GPC6: variants seen among roughly 807,000 people sequenced by gnomAD.
The protein encoded by GPC6 is glypican-6.
Under a neutral mutation model 55.2 loss-of-function variants are expected in GPC6, and 14 were observed. The observed-to-expected ratio is 0.25, with a 90% CI of 0.17 to 0.40. The LOEUF is 0.40. GPC6 is among the 10% of genes least tolerant of loss of function. The pLI, the probability that GPC6 is intolerant of heterozygous loss-of-function variation, is 1.00. For missense variants in GPC6, 641 were observed against 708.5 expected (o/e 0.90, Z 1.08); for synonymous variants, 278 against 259.6 (o/e 1.07, Z -0.68).
At chr13:94,207,412 A>C (rs1416879578) in intron 4 of GPC6, among the ~76,000 whole-genome samples, 1 of 152,210 alleles carries the variant, frequency 6.6e-6, no homozygotes, top group Non-Finnish European at 1.5e-5. Context: ...CCCATTTTAC[A>C]AGGAAGAAAC....
chr13:93,507,298 T>A (rs1235403998), intron 1 of GPC6, among the ~76,000 whole-genome samples: 1 of 152,140 alleles, frequency 6.6e-6, no homozygotes, highest in Non-Finnish European at 1.5e-5. Flanking sequence ...ACCTTCTCTC[T>A]CCTTTCTCTC....
At chr13:94,332,709 G>T (rs963185937) in intron 6 of GPC6, among the ~76,000 whole-genome samples, 1 of 152,172 alleles carries the variant, frequency 6.6e-6, no homozygotes, top group Non-Finnish European at 1.5e-5. Context: ...GATTATTTTC[G>T]AAAAGGTTTT....
intron 2 of GPC6, among the ~76,000 whole-genome samples, chr13:93,599,410 T>C (rs1430092566): frequency 6.6e-6 from 1 of 152,140 alleles, no homozygotes; most frequent in Non-Finnish European, 1.5e-5. Context: ...TAAATAAAGC[T>C]GATCAGGGAA....
intron 1 of GPC6, among the ~76,000 whole-genome samples, chr13:93,329,755 T>C (rs1034680119): frequency 4.6e-5 from 7 of 152,126 alleles, no homozygotes; most frequent in African/African-American, 1.4e-4. Flanking sequence ...TTCCCTAGTG[T>C]TATGTGTCCA....
intron 3 of GPC6, among the ~76,000 whole-genome samples, chr13:93,912,546 A>G (rs1042478052): frequency 1.3e-5 from 2 of 152,102 alleles, no homozygotes; most frequent in South Asian, 2.1e-4. Flanking sequence ...GATCGAGACC[A>G]TCCTGGCTAA....
intron 6 of GPC6, among the ~76,000 whole-genome samples, chr13:94,373,675 C>G (rs962306837): frequency 6.6e-6 from 1 of 152,122 alleles, no homozygotes; most frequent in Non-Finnish European, 1.5e-5. Flanking sequence ...CCCAATCTAG[C>G]AAGGCAGGCC....
At position 93,227,547 on chromosome 13, in the gene GPC6, G is replaced by A. The variant is rs1394364447; in HGVS notation, c.91G>A (p.Gly31Arg). The A allele has an allele frequency of 6.2e-7, 1 of 1,613,270 alleles. No homozygotes were observed. The highest frequency in any genetic ancestry group is 1.3e-5 in the African/African-American group (1 of 74,922). Residue 31 changes from glycine to arginine, a missense_variant, in exon 1 of 9, where the codon GGA becomes AGA. Coordinates refer to ENST00000377047, the MANE Select transcript of GPC6 (RefSeq NM_005708.5). This position sits in a 1 kb window ranked among gnomAD's most constrained non-coding sequence, Gnocchi z 4.3. ...GGCGGATGTGAAGGCTCGGAGCTGC[G>A]GAGAGGTCCGCCAGGCGTACGGTGC... is the stretch of plus-strand genomic sequence containing the variant. ...AGADVKARSC[G>R]EVRQAYGAKG... is the part of the protein sequence containing the mutation.
At chr13:93,496,812 A>G (rs1880315344) in intron 1 of GPC6, among the ~76,000 whole-genome samples, 1 of 152,230 alleles carries the variant, frequency 6.6e-6, no homozygotes, top group South Asian at 2.1e-4. Flanking sequence ...ATAAGTTAAT[A>G]TTTGTGAAGT....
chr13:93,423,873 A>G (rs1345670401), intron 1 of GPC6, among the ~76,000 whole-genome samples: 1 of 152,050 alleles, frequency 6.6e-6, no homozygotes, highest in Non-Finnish European at 1.5e-5. Context: ...CAGTTTATGC[A>G]GCTGACAAGC....
At chr13:94,295,713 A>G (rs1875296491) in intron 5 of GPC6, among the ~76,000 whole-genome samples, 1 of 152,172 alleles carries the variant, frequency 6.6e-6, no homozygotes, top group South Asian at 2.1e-4. Flanking sequence ...TTTCCACACT[A>G]TTCTTACATT....
At chr13:93,534,763 A>C (rs899341806) in intron 1 of GPC6, among the ~76,000 whole-genome samples, 1 of 152,172 alleles carries the variant, frequency 6.6e-6, no homozygotes, top group Non-Finnish European at 1.5e-5. Flanking sequence ...AACAGATGAC[A>C]ATTTATGGTC....
chr13:94,394,628 CG>C (rs1880816363), intron 7 of GPC6, among the ~76,000 whole-genome samples: 2 of 152,046 alleles, frequency 1.3e-5, no homozygotes, highest in Admixed American at 6.6e-5. Flanking sequence ...AGACCCTTTC[CG>C]GGGGTCGCAC....
At chr13:94,100,145 G>GTTCCATAT (rs1455225383) in intron 4 of GPC6, among the ~76,000 whole-genome samples, 1 of 152,170 alleles carries the variant, frequency 6.6e-6, no homozygotes, top group Non-Finnish European at 1.5e-5. Context: ...TTGATATAAT[G>GTTCCATAT]TTCCATATTT....
At chr13:93,789,897 C>A (rs894758874) in intron 2 of GPC6, among the ~76,000 whole-genome samples, 1 of 151,600 alleles carries the variant, frequency 6.6e-6, no homozygotes, top group African/African-American at 2.4e-5. Context: ...TTTTTATATT[C>A]TTATTTGTTT....
At chr13:93,530,498 C>T (rs1881825223) in intron 1 of GPC6, among the ~76,000 whole-genome samples, 1 of 151,964 alleles carries the variant, frequency 6.6e-6, no homozygotes, top group Non-Finnish European at 1.5e-5. Flanking sequence ...GGTCTAGGGG[C>T]TTTTCTATTA....
chr13:94,309,516 A>G (rs1386468735), intron 6 of GPC6, among the ~76,000 whole-genome samples: 1 of 139,878 alleles, frequency 7.1e-6, no homozygotes, highest in African/African-American at 2.6e-5. Context: ...TTAACATCTT[A>G]TTATATTTAT....
intron 2 of GPC6, among the ~76,000 whole-genome samples, chr13:93,627,979 T>G (rs1029342340): frequency 2.6e-5 from 4 of 152,214 alleles, no homozygotes; most frequent in African/African-American, 9.6e-5. Context: ...AACTAAGGTT[T>G]TAATGTTGTT....
chr13:93,989,896 G>A (rs1881216759), intron 3 of GPC6, among the ~76,000 whole-genome samples: 1 of 141,418 alleles, frequency 7.1e-6, no homozygotes, highest in Non-Finnish European at 1.5e-5. Flanking sequence ...GTATATATGT[G>A]TGTGTGTATA....
intron 1 of GPC6, among the ~76,000 whole-genome samples, chr13:93,413,107 T>C (rs1295565351): frequency 6.6e-6 from 1 of 152,156 alleles, no homozygotes; most frequent in Non-Finnish European, 1.5e-5. Context: ...TAAAAATAAA[T>C]CCATGTTGTG....
Sources: allele counts gnomAD v4.1 joint callset (sites outside exome capture counted in the v4.1 genomes callset), GRCh38; gene constraint gnomAD v4.1.1; non-coding constraint Gnocchi (gnomAD v3.1); transcripts MANE v1.5; gene names NCBI Gene and HGNC (gene_info 2026-07-23, HGNC 2026-07-21).